SNAPC1: variants seen among roughly 807,000 people sequenced by gnomAD.
SNAPC1 encodes small nuclear RNA activating complex polypeptide 1.
In SNAPC1, 42 loss-of-function variants were observed where a neutral mutation model predicts 50.1. The ratio of observed to expected loss-of-function variants is 0.84; its 90% confidence interval spans 0.65 to 1.08. SNAPC1 has a LOEUF of 1.08. SNAPC1 is among the 50% of genes least tolerant of loss of function. The probability of loss-of-function intolerance (pLI) is 0.00; values close to 1 mark genes in which losing one functional copy is unlikely to be tolerated. For missense variants in SNAPC1, 477 were observed against 427.3 expected, an observed-to-expected ratio of 1.12 and a Z score of -1.02; for synonymous variants, 164 against 144.2, an observed-to-expected ratio of 1.14 and a Z score of -0.98.
In SNAPC1 at chr14:61,767,711, C is replaced by T. The variant is rs142253922; in HGVS notation, c.429+359C>T. The stretch of plus-strand genomic sequence containing the variant: ...TCTCTTGACCTCGTGATCCACTCAC[C>T]TTGGCCTACCAAAGTGTTGGGATTA... On this transcript the variant is annotated intron_variant, in intron 3 of 9. Coordinates refer to ENST00000216294, the MANE Select transcript of SNAPC1 (RefSeq NM_003082.4). Among the ~76,000 whole-genome samples the T allele has an allele frequency of 4.4e-3, 665 of 152,130 alleles. 3 individuals carry two copies. Among genetic ancestry groups the T allele is most frequent in the African/African-American group, 0.015 (624 of 41,492 alleles).
chr14:61,789,187 C>T (rs11158360), intron 8 of SNAPC1, among the ~76,000 whole-genome samples: 22,731 of 149,180 alleles, frequency 0.15, 2,088 homozygotes, highest in South Asian at 0.32. Flanking sequence ...GCCAAGATAG[C>T]GCCACCGCTC....
intron 7 of SNAPC1, among the ~76,000 whole-genome samples, chr14:61,781,921 G>T (rs1340253160): frequency 6.6e-6 from 1 of 152,192 alleles, no homozygotes; most frequent in African/African-American, 2.4e-5. Context: ...GGAATGCGTG[G>T]TAGTGCCTAA....
At chr14:61,781,178 G>A (rs149896589) in intron 7 of SNAPC1, among the ~76,000 whole-genome samples, 4,078 of 152,058 alleles carry the variant, frequency 0.027, 119 homozygotes, top group African/African-American at 0.064. Flanking sequence ...GGCCGGGTGC[G>A]GTGGCTCATG....
intron 1 of SNAPC1, among the ~76,000 whole-genome samples, chr14:61,764,483 CTTTA>C (rs1187833600): frequency 5.3e-5 from 8 of 151,978 alleles, no homozygotes; most frequent in African/African-American, 1.7e-4. Flanking sequence ...TTATTTATAG[CTTTA>C]TTTATTGCAT....
chr14:61,783,977 C>T (rs2045097010), intron 8 of SNAPC1, among the ~76,000 whole-genome samples: 1 of 152,158 alleles, frequency 6.6e-6, no homozygotes, highest in South Asian at 2.1e-4. Flanking sequence ...TAATGAAATT[C>T]ACTCTCAACT....
In SNAPC1 at chr14:61,793,951, C is replaced by T. The variant is rs117834223; in HGVS notation, c.1073-998C>T. On this transcript the variant is annotated intron_variant, in intron 9 of 9. Coordinates refer to ENST00000216294, the MANE Select transcript of SNAPC1 (RefSeq NM_003082.4). ...GATTACAGGTGGGAGCCACTGCACC[C>T]GGCCGGAATATTTCTTTTTGCCACA... Among the ~76,000 whole-genome samples, 8 of 152,188 alleles carry T rather than the reference C, an allele frequency of 5.3e-5. No individual in the cohort carries two copies. The East Asian group carries it at 7.7e-4, about 15-fold the overall frequency.
rs1418124838 is a variant in SNAPC1 at position 61,778,087 on chromosome 14, T to C, written c.709T>C (p.Ser237Pro). The C allele has an allele frequency of 2.5e-6, 4 of 1,598,950 alleles. No homozygotes were observed. The South Asian group carries it at 4.5e-5, about 18-fold the overall frequency. Residue 237 changes from serine (S) to proline (P), a missense_variant, in exon 6 of 10, where the codon TCA becomes CCA. Transcript: ENST00000216294. ...HKDRKNPSLK[S>P]KTNDGEEKME... ...GCTCTTTTAGAATCCATCCTTAAAG[T>C]CAAAAACTAATGATGGAGAAGAAAA...
chr14:61,768,238 A>C lies in SNAPC1; in HGVS notation c.430-398A>C, dbSNP rs186694434. Reference sequence around the variant, plus strand: ...TTAGATTTGGCATCTGCATTTGCTCATGTCTCAAACATCAGAGGAGGTTAC... The same window carrying C: ...TTAGATTTGGCATCTGCATTTGCTCCTGTCTCAAACATCAGAGGAGGTTAC... On this transcript the variant is annotated intron_variant, in intron 3 of 9. Transcript: ENST00000216294. Among the ~76,000 whole-genome samples the C allele has an allele frequency of 3.8e-3, 572 of 152,404 alleles. 9 individuals are homozygous for C. The highest frequency in any genetic ancestry group is 0.013 in the African/African-American group (548 of 41,602).
intron 1 of SNAPC1, among the ~76,000 whole-genome samples, chr14:61,762,901 G>T (rs1014151679): frequency 6.6e-6 from 1 of 150,414 alleles, no homozygotes; most frequent in African/African-American, 2.4e-5. Flanking sequence ...CTTGTTCTAG[G>T]ACCTGATGTT....
Position 61,770,813 on chromosome 14 carries a change from C to T in SNAPC1, c.534+2073C>T, listed in dbSNP as rs146450779. Among the ~76,000 whole-genome samples the T allele has an allele frequency of 1.9e-4, 29 of 152,176 alleles. No individual in the cohort carries two copies. The East Asian group carries it at 5.6e-3, about 29-fold the overall frequency. ...GCAGTGGCGCAATTTTGGCTCACTG[C>T]AACCTGCAACCTCTGCCTCCAGGGC... is the stretch of plus-strand genomic sequence containing the variant. On this transcript the variant is annotated intron_variant, in intron 4 of 9. Coordinates refer to ENST00000216294, the MANE Select transcript of SNAPC1 (RefSeq NM_003082.4).
chr14:61,787,522 T>TG (rs956640635), intron 8 of SNAPC1, among the ~76,000 whole-genome samples: 2 of 152,020 alleles, frequency 1.3e-5, no homozygotes, highest in Non-Finnish European at 2.9e-5. Context: ...TGCAGCCACG[T>TG]GGTGGAAGAT....
intron 8 of SNAPC1, among the ~76,000 whole-genome samples, chr14:61,785,348 A>G (rs1027403340): frequency 1.3e-5 from 2 of 152,188 alleles, no homozygotes; most frequent in Admixed American, 6.5e-5. Flanking sequence ...GCGGTGAGCC[A>G]AGATCGCGCC....
At chr14:61,784,383 A>G (rs1444818934) in intron 8 of SNAPC1, among the ~76,000 whole-genome samples, 1 of 152,222 alleles carries the variant, frequency 6.6e-6, no homozygotes, top group Non-Finnish European at 1.5e-5. Context: ...CCACATCAAT[A>G]GGTTAAAGGG....
chr14:61,770,406 C>A (rs1042893527), intron 4 of SNAPC1, among the ~76,000 whole-genome samples: 1 of 151,954 alleles, frequency 6.6e-6, no homozygotes, highest in Non-Finnish European at 1.5e-5. Flanking sequence ...CCATGCCCAA[C>A]TAATTTTTTC....
chr14:61,783,622 G>A lies in SNAPC1; in HGVS notation c.976+1225G>A, dbSNP rs181912419. On this transcript the variant is annotated intron_variant, in intron 8 of 9. Transcript: ENST00000216294. ...GCGATCTCGGCTCACTGCAACCTCTGCCTCCCGGGTTCAAGTGATTCTCCT... is the reference window on the plus strand; with the variant it reads ...GCGATCTCGGCTCACTGCAACCTCTACCTCCCGGGTTCAAGTGATTCTCCT... 2.2e-5 allele frequency among the ~76,000 whole-genome samples: 3 copies of A among 137,406 alleles called. No individual in the cohort carries two copies. The South Asian group carries it at 7.4e-4, about 34-fold the overall frequency. 90.1% of individuals were successfully genotyped at this position (137,406 alleles called of 152,430 possible). A position where few individuals can be genotyped will look rare whatever the true frequency, so the allele number is the denominator to read the frequency against.
At chr14:61,762,626 C>G in intron 1 of SNAPC1, 38 bp downstream of exon 1, 1 of 1,610,606 alleles carries the variant, frequency 6.2e-7, no homozygotes, top group Non-Finnish European at 8.5e-7. Context: ...TCTCCCTGCC[C>G]GCAGGTGGTG....
At chr14:61,774,647 C>CCTTT (rs770510028) in intron 4 of SNAPC1, among the ~76,000 whole-genome samples, 1 of 87,782 alleles carries the variant, frequency 1.1e-5, no homozygotes, top group Non-Finnish European at 2.3e-5. Context: ...ATCAGTTTCT[C>CCTTT]ATTTTTTTTT....
In SNAPC1 at chr14:61,782,227, A is replaced by G. The variant is rs766822818; in HGVS notation, c.826-20A>G. 5.9e-6 allele frequency: 9 copies of G among 1,524,792 alleles called. No individual in the cohort carries two copies. Among genetic ancestry groups the G allele is most frequent in the Non-Finnish European group, 8.0e-6 (9 of 1,131,892 alleles). 94.5% of individuals were successfully genotyped at this position (1,524,792 alleles called of 1,614,324 possible). ...GATTCATTTTATAATTTATTGGTTA[A>G]TTGGATTGTAACTCTTAAGGCATCC... On this transcript the variant is annotated intron_variant, in intron 7 of 9. Transcript: ENST00000216294.
rs780700324 is a variant in SNAPC1 at position 61,768,646 on chromosome 14, G to C, written c.440G>C (p.Arg147Thr). 1 of 1,584,460 alleles carries C rather than the reference G, an allele frequency of 6.3e-7. No individual in the cohort carries two copies. The highest frequency in any genetic ancestry group is 1.7e-5 in the Admixed American group (1 of 59,750). Reference protein sequence around the residue: ...FTAMPKLLSYRMKKKIHRAEV... With the variant: ...FTAMPKLLSYTMKKKIHRAEV... ...CGTATTATCACATAGCTGTCATATA[G>C]GATGAAGAAAAAAATTCACCGAGCT... The change falls in exon 4 of 10, where the codon AGG becomes ACG. Residue 147 changes from arginine to threonine, a missense_variant. Arg to Thr is a moderately conservative substitution (Grantham distance 71). Coordinates refer to ENST00000216294, the MANE Select transcript of SNAPC1 (RefSeq NM_003082.4).
Sources: allele counts gnomAD v4.1 joint callset (sites outside exome capture counted in the v4.1 genomes callset), GRCh38; gene constraint gnomAD v4.1.1; transcripts MANE v1.5; gene names NCBI Gene and HGNC (gene_info 2026-07-23, HGNC 2026-07-21).